ANO2: variants seen among roughly 807,000 people sequenced by gnomAD.
ANO2 encodes the protein anoctamin 2.
In ANO2, 101 loss-of-function variants were observed where a neutral mutation model predicts 124.2. The ratio of observed to expected loss-of-function variants is 0.81; its 90% CI spans 0.69 to 0.96. The LOEUF (loss-of-function observed/expected upper bound fraction) is 0.96. Among genes scored for constraint, ANO2 ranks in the 40% least tolerant of loss-of-function variants. ANO2 has a pLI of 0.00. For synonymous variants in ANO2, 486 were observed against 482.5 expected, an observed-to-expected ratio of 1.01 and a Z score of -0.09; for missense variants, 1,293 against 1,274.5, an observed-to-expected ratio of 1.01 and a Z score of -0.22.
rs755219840 is a variant in ANO2 at position 5,578,474 on chromosome 12, G to A, written c.2278C>T (p.Leu760=). 4.3e-6 allele frequency: 7 copies of A among 1,613,950 alleles called. No individual in the cohort carries two copies. In the South Asian group the frequency reaches 7.7e-5, roughly 18 times the overall value. The stretch of plus-strand genomic sequence containing the variant: ...TTGAGGAGGGCAAACACAGGTGCCA[G>A]GGGAAAGGAGGCCACGAAGAGGGTG... ...FVTLFVASFP[L]APVFALLNNV... is the part of the protein sequence containing the mutation. Residue 760 remains leucine (L), a synonymous_variant, in exon 21 of 25, where the codon CTG becomes TTG. Coordinates refer to ENST00000682330, the MANE Select transcript of ANO2 (RefSeq NM_001364791.2).
At chr12:5,684,527 A>G (rs893399336) in intron 14 of ANO2, among the ~76,000 whole-genome samples, 4 of 152,200 alleles carry the variant, frequency 2.6e-5, no homozygotes, top group African/African-American at 4.8e-5. Flanking sequence ...CTGTCCATCT[A>G]GAAATGTCAG....
chr12:5,683,992 T>C (rs926499918), intron 14 of ANO2, among the ~76,000 whole-genome samples: 20 of 152,170 alleles, frequency 1.3e-4, no homozygotes, highest in African/African-American at 4.6e-4. Context: ...CCAACATCTA[T>C]AATTCACCAT....
intron 14 of ANO2, among the ~76,000 whole-genome samples, chr12:5,703,889 A>G (rs184187677): frequency 6.6e-6 from 1 of 152,244 alleles, no homozygotes; most frequent in East Asian, 1.9e-4. Context: ...ATATTTCCCA[A>G]CTTAAAAAAA....
At chr12:5,732,886 A>G in intron 13 of ANO2, 1 of 1,613,960 alleles carries the variant, frequency 6.2e-7, no homozygotes, top group Non-Finnish European at 8.5e-7. Flanking sequence ...TCCTGGGGAT[A>G]GCGCCGGTGT....
At chr12:5,647,156 C>T (rs1328286401) in intron 15 of ANO2, among the ~76,000 whole-genome samples, 1 of 152,210 alleles carries the variant, frequency 6.6e-6, no homozygotes, top group Admixed American at 6.5e-5. Flanking sequence ...TCAGATACTG[C>T]TGTCTTGCCC....
chr12:5,713,441 A>G (rs1245612977), intron 14 of ANO2, among the ~76,000 whole-genome samples: 1 of 152,210 alleles, frequency 6.6e-6, no homozygotes, highest in Admixed American at 6.5e-5. Context: ...TTCTTTAAAC[A>G]TTCCCTTCCA....
intron 19 of ANO2, 96 bp downstream of exon 19, chr12:5,612,560 A>G (rs1944592358): frequency 1.0e-6 from 1 of 983,212 alleles, no homozygotes; most frequent in Non-Finnish European, 1.6e-6. Flanking sequence ...AAGCTGTCTA[A>G]GAAGAGGAAA....
chr12:5,692,266 T>C (rs975924182), intron 14 of ANO2, among the ~76,000 whole-genome samples: 6 of 152,124 alleles, frequency 3.9e-5, no homozygotes, highest in Non-Finnish European at 7.4e-5. Flanking sequence ...GGATTAACTA[T>C]GGGGTTTGAG....
chr12:5,723,992 C>A (rs1950337391), intron 14 of ANO2, among the ~76,000 whole-genome samples: 1 of 152,056 alleles, frequency 6.6e-6, no homozygotes, highest in African/African-American at 2.4e-5. Flanking sequence ...GGACAGAACC[C>A]AGGCCATTTT....
At chr12:5,891,541 A>T (rs1052890926) in intron 3 of ANO2, among the ~76,000 whole-genome samples, 1 of 152,178 alleles carries the variant, frequency 6.6e-6, no homozygotes, top group Non-Finnish European at 1.5e-5. Flanking sequence ...ACGGAGAGGC[A>T]AGAGCTCAGC....
At chr12:5,770,040 T>C (rs1952026078) in intron 10 of ANO2, among the ~76,000 whole-genome samples, 2 of 152,182 alleles carry the variant, frequency 1.3e-5, no homozygotes, top group Admixed American at 6.5e-5. Flanking sequence ...AGGTGAAACA[T>C]CTTGCCCAAG....
intron 3 of ANO2, among the ~76,000 whole-genome samples, chr12:5,883,651 G>A (rs1335410801): frequency 6.6e-6 from 1 of 152,008 alleles, no homozygotes; most frequent in Non-Finnish European, 1.5e-5. Flanking sequence ...TAGGCCGGGA[G>A]CCCAGGTCTT....
At chr12:5,688,648 T>C (rs996699824) in intron 14 of ANO2, among the ~76,000 whole-genome samples, 1 of 152,138 alleles carries the variant, frequency 6.6e-6, no homozygotes, top group Non-Finnish European at 1.5e-5. Flanking sequence ...CTAGAAACAA[T>C]GGCACACAGT....
At chr12:5,642,165 T>G (rs956314105) in intron 15 of ANO2, among the ~76,000 whole-genome samples, 1 of 152,194 alleles carries the variant, frequency 6.6e-6, no homozygotes, top group Admixed American at 6.5e-5. Context: ...CCCCTATCCC[T>G]TTTCAATTCT....
At chr12:5,823,121 T>C (rs1351003123) in intron 7 of ANO2, among the ~76,000 whole-genome samples, 1 of 152,172 alleles carries the variant, frequency 6.6e-6, no homozygotes, top group Non-Finnish European at 1.5e-5. Flanking sequence ...AACCATATCA[T>C]TCCACCTCTG....
intron 15 of ANO2, among the ~76,000 whole-genome samples, chr12:5,638,592 G>T (rs911324559): frequency 2.6e-5 from 4 of 151,178 alleles, no homozygotes; most frequent in Non-Finnish European, 5.9e-5. Context: ...CTTATTGTGC[G>T]ACCCACTGCA....
rs749517148 is a variant in ANO2 at position 5,566,076 on chromosome 12, G to C, written c.2622-413C>G. Reference sequence around the variant, plus strand: ...CTGAATGGTGCTCTGCAGCCGGGGGGGTTGGGGAAGATGCAGACACCAGCA... The same window carrying C: ...CTGAATGGTGCTCTGCAGCCGGGGGCGTTGGGGAAGATGCAGACACCAGCA... On this transcript the variant is annotated intron_variant, in intron 23 of 24. Transcript: ENST00000682330. Among the ~76,000 whole-genome samples the C allele has an allele frequency of 4.0e-4, 61 of 152,212 alleles. No individual in the cohort carries two copies. The Middle Eastern group carries it at 0.01, about 25-fold the overall frequency.
chr12:5,828,188 C>A (rs7136836), intron 6 of ANO2, among the ~76,000 whole-genome samples: 91,046 of 152,102 alleles, frequency 0.6, 32,122 homozygotes, highest in East Asian at 0.96. Flanking sequence ...TGGAGTAGGG[C>A]ACAGTGTCTG....
In ANO2 at chr12:5,717,400, G is replaced by A. The variant is rs1430101211; in HGVS notation, c.1545+15120C>T. 5.3e-5 allele frequency among the ~76,000 whole-genome samples: 8 copies of A among 152,326 alleles called. No homozygotes were observed. The East Asian group carries it at 1.4e-3, about 26-fold the overall frequency. The stretch of plus-strand genomic sequence containing the variant: ...TGAAAGCCAAGGTAACAGAAATAAG[G>A]AAGACCCCAAGGGAGTTGGTTTTGG... On this transcript the variant is annotated intron_variant, in intron 14 of 24. Coordinates refer to ENST00000682330, the MANE Select transcript of ANO2 (RefSeq NM_001364791.2).
Sources: gnomAD v4.1 joint callset for allele counts (sites outside exome capture counted in the v4.1 genomes callset) on GRCh38, gnomAD v4.1.1 for gene constraint, MANE v1.5 for transcripts, NCBI Gene and HGNC (gene_info 2026-07-23, HGNC 2026-07-21) for gene names.